IKZF2: variants seen among roughly 807,000 people sequenced by gnomAD.
IKZF2 encodes IKAROS family zinc finger 2.
IKZF2 carries 15 observed loss-of-function variants against 49.2 expected under a neutral mutation model. The ratio of observed to expected loss-of-function variants is 0.30; its 90% CI spans 0.20 to 0.47. IKZF2 has a LOEUF of 0.47. Ranked by LOEUF, IKZF2 falls within the 20% of genes least tolerant of loss-of-function variation. IKZF2 has a pLI of 1.00. For missense variants in IKZF2, 567 were observed against 664.6 expected (o/e 0.85, Z 1.61); for synonymous variants, 227 against 221.4 (o/e 1.03, Z -0.23).
intron 4 of IKZF2, among the ~76,000 whole-genome samples, chr2:213,118,058 G>C (rs1475908063): frequency 1.3e-5 from 2 of 151,972 alleles, no homozygotes; most frequent in Non-Finnish European, 2.9e-5. Flanking sequence ...AAAAAAGAGA[G>C]ACGGCTTATA....
chr2:213,075,285 GT>G (rs35860254), intron 4 of IKZF2, among the ~76,000 whole-genome samples: 42,625 of 152,000 alleles, frequency 0.28, 7,512 homozygotes, highest in East Asian at 0.55. Flanking sequence ...TGCTGTATGT[GT>G]TTATGTTCAT....
chr2:213,139,693 T>C (rs2060800289), intron 4 of IKZF2, among the ~76,000 whole-genome samples: 2 of 152,004 alleles, frequency 1.3e-5, no homozygotes, highest in South Asian at 4.1e-4. Context: ...GTGCCACAAA[T>C]CTAGTTTCAG....
At chr2:213,089,210 C>T (rs1705015634) in intron 4 of IKZF2, among the ~76,000 whole-genome samples, 1 of 152,144 alleles carries the variant, frequency 6.6e-6, no homozygotes, top group African/African-American at 2.4e-5. Context: ...CTCTTTTTCC[C>T]TCACATGCCG....
At chr2:213,133,631 G>A (rs1025591612) in intron 4 of IKZF2, among the ~76,000 whole-genome samples, 2 of 151,638 alleles carry the variant, frequency 1.3e-5, no homozygotes, top group East Asian at 1.9e-4. Context: ...CTCGGGAGGC[G>A]AAGGTTGCAG....
chr2:213,043,257 T>C (rs1397590352), intron 6 of IKZF2, among the ~76,000 whole-genome samples: 1 of 152,136 alleles, frequency 6.6e-6, no homozygotes. Context: ...TTTCAAAGTA[T>C]TTTTCATTTC....
chr2:213,138,293 A>G (rs973481079), intron 4 of IKZF2, among the ~76,000 whole-genome samples: 3 of 152,084 alleles, frequency 2.0e-5, no homozygotes, highest in African/African-American at 7.2e-5. Context: ...TCCACTGAAC[A>G]TGGTTGTATA....
intron 4 of IKZF2, among the ~76,000 whole-genome samples, chr2:213,142,864 C>A (rs1404496164): frequency 6.6e-6 from 1 of 151,892 alleles, no homozygotes; most frequent in Admixed American, 6.6e-5. Context: ...ATAAAGGATG[C>A]CCCTCTACCT....
intron 6 of IKZF2, among the ~76,000 whole-genome samples, chr2:213,028,015 G>A (rs1327565561): frequency 6.6e-6 from 1 of 151,860 alleles, no homozygotes; most frequent in African/African-American, 2.4e-5. Context: ...GTTTAACATC[G>A]ATTCACATAA....
chr2:213,048,036 A>G (rs1700329166), intron 6 of IKZF2, among the ~76,000 whole-genome samples: 1 of 152,130 alleles, frequency 6.6e-6, no homozygotes, highest in Non-Finnish European at 1.5e-5. Flanking sequence ...TGTTCTATCT[A>G]TTATGAAGAA....
At chr2:213,067,687 C>T (rs572941295) in intron 4 of IKZF2, among the ~76,000 whole-genome samples, 19 of 152,084 alleles carry the variant, frequency 1.2e-4, no homozygotes, top group Non-Finnish European at 2.5e-4. Context: ...GTACCAGGCA[C>T]CACGAAGCAG....
chr2:213,064,683 C>T (rs1385460360), intron 4 of IKZF2, among the ~76,000 whole-genome samples: 1 of 151,932 alleles, frequency 6.6e-6, no homozygotes, highest in Non-Finnish European at 1.5e-5. Flanking sequence ...TCCAACCTTT[C>T]GATGAATGAT....
chr2:213,069,058 C>T (rs1702431654), intron 4 of IKZF2, among the ~76,000 whole-genome samples: 1 of 152,104 alleles, frequency 6.6e-6, no homozygotes, highest in African/African-American at 2.4e-5. Flanking sequence ...CTCTTTTTCT[C>T]TACTTTGTCC....
chr2:213,014,382 T>G (rs1440105930), intron 7 of IKZF2: 1 of 153,892 alleles, frequency 6.5e-6, no homozygotes, highest in East Asian at 1.9e-4. Flanking sequence ...TTTAACTGTT[T>G]TTCTTAACCC....
At chr2:213,147,894 T>A in intron 3 of IKZF2, 82 bp from the exon 4 acceptor site, 1 of 931,498 alleles carries the variant, frequency 1.1e-6, no homozygotes, top group Admixed American at 1.8e-5. Context: ...ATACACGCAA[T>A]GGCATGCATA....
chr2:213,012,273 A>C (rs1289183024), intron 8 of IKZF2, among the ~76,000 whole-genome samples: 2 of 151,886 alleles, frequency 1.3e-5, no homozygotes, highest in African/African-American at 4.8e-5. Context: ...TTTTCTAAAA[A>C]GCTGTCCCTC....
chr2:213,109,951 T>C (rs2059647519), intron 4 of IKZF2, among the ~76,000 whole-genome samples: 1 of 151,960 alleles, frequency 6.6e-6, no homozygotes, highest in African/African-American at 2.4e-5. Context: ...AACAAAGATA[T>C]AAAATGCAAT....
intron 4 of IKZF2, among the ~76,000 whole-genome samples, chr2:213,063,287 T>C (rs995956593): frequency 3.9e-5 from 6 of 151,960 alleles, no homozygotes; most frequent in African/African-American, 1.4e-4. Flanking sequence ...CTGGAGTTAC[T>C]CCAGATCAAG....
chr2:213,138,568 A>G (rs1353554972), intron 4 of IKZF2, among the ~76,000 whole-genome samples: 1 of 152,018 alleles, frequency 6.6e-6, no homozygotes, highest in African/African-American at 2.4e-5. Flanking sequence ...TTCAACAAAT[A>G]TTTACAGGGC....
intron 6 of IKZF2, among the ~76,000 whole-genome samples, chr2:213,032,785 G>C (rs1698600498): frequency 6.6e-6 from 1 of 152,192 alleles, no homozygotes; most frequent in Non-Finnish European, 1.5e-5. Context: ...TCCACTGGTG[G>C]AGGAGGGTGT....
Sources: allele counts gnomAD v4.1 joint callset (sites outside exome capture counted in the v4.1 genomes callset), GRCh38; gene constraint gnomAD v4.1.1; transcripts MANE v1.5; gene names NCBI Gene and HGNC (gene_info 2026-07-23, HGNC 2026-07-21).